The following ZCCHC10 variants were observed in gnomAD, a reference collection of about 807,000 sequenced individuals.
ZCCHC10 encodes zinc finger CCHC domain-containing protein 10.
Under a neutral mutation model 19.5 loss-of-function variants are expected in ZCCHC10, and 16 were observed. That is an observed-to-expected ratio of 0.82 (90% CI 0.56 to 1.25). The LOEUF (loss-of-function observed/expected upper bound fraction) is 1.25. ZCCHC10 is among the 50% of genes most tolerant of loss of function. The pLI, the probability that ZCCHC10 is intolerant of heterozygous loss-of-function variation, is 0.00. For missense variants in ZCCHC10, 197 were observed against 201.0 expected, an observed-to-expected ratio of 0.98 and a Z score of 0.12; for synonymous variants, 67 against 72.5, an observed-to-expected ratio of 0.92 and a Z score of 0.38.
At position 132,998,248 on chromosome 5, in the gene ZCCHC10, T is replaced by G. The variant is rs1007155623; in HGVS notation, c.*335A>C. 1 of 208,840 alleles carries G rather than the reference T, an allele frequency of 4.8e-6. No individual in the cohort carries two copies. The highest frequency in any genetic ancestry group is 9.8e-6 in the Non-Finnish European group (1 of 101,824). The allele number at this position is 208,840 out of a possible 1,614,324, so 12.9% of individuals were successfully genotyped here. On this transcript the variant is annotated 3_prime_UTR_variant, in exon 5 of 5. Coordinates refer to ENST00000509437, the MANE Select transcript of ZCCHC10 (RefSeq NM_001300816.3). The stretch of plus-strand genomic sequence containing the variant: ...TGACGCACCATCCTGAAAATATGTC[T>G]GATACATACCACTAACATATATAAC...
At chr5:133,023,432 T>C (rs905298484) in intron 1 of ZCCHC10, among the ~76,000 whole-genome samples, 1 of 151,782 alleles carries the variant, frequency 6.6e-6, no homozygotes, top group East Asian at 1.9e-4. Flanking sequence ...TAGACTTTTT[T>C]CCCCGTCTTC....
In ZCCHC10 at chr5:133,000,176, G is replaced by C. The variant is rs370510509; in HGVS notation, c.270-3C>G. 5 of 1,613,420 alleles carry C rather than the reference G, an allele frequency of 3.1e-6. No individual in the cohort carries two copies. The highest frequency in any genetic ancestry group is 4.2e-6 in the Non-Finnish European group (5 of 1,179,796). ...TTTCTACATTGGTTTCTCCAATGCTGATAAACACGAGGGGGAAAAAAGCTC... is the reference window on the plus strand; with the variant it reads ...TTTCTACATTGGTTTCTCCAATGCTCATAAACACGAGGGGGAAAAAAGCTC... On this transcript the variant is annotated splice_region_variant and splice_polypyrimidine_tract_variant and intron_variant, in intron 3 of 4. Transcript: ENST00000509437.
rs373349005 is a variant in ZCCHC10, at chr5:132,998,819, T to A, written c.343A>T (p.Ser115Cys). 8 of 1,614,108 alleles carry A rather than the reference T, an allele frequency of 5.0e-6. No individual in the cohort carries two copies. The highest frequency in any genetic ancestry group is 6.8e-6 in the Non-Finnish European group (8 of 1,180,032). Residue 115 changes from serine to cysteine, a missense_variant, in exon 5 of 5, where the codon AGC (serine) becomes TGC (cysteine). Transcript: ENST00000509437. ...GAATCACTGGCAGAACTGTCACTGCTACTGCTACTGGAACTGGTTACACTC... is the reference window on the plus strand; with the variant it reads ...GAATCACTGGCAGAACTGTCACTGCAACTGCTACTGGAACTGGTTACACTC... ...SKSVTSSSSS[S>C]SDSSASDSSS...
rs1376318320 is a variant in ZCCHC10, at chr5:133,005,593, G to A, written c.269+1166C>T. Among the ~76,000 whole-genome samples, 6 of 152,226 alleles carry A rather than the reference G, an allele frequency of 3.9e-5. No homozygotes were observed. The South Asian group carries it at 1.2e-3, about 32-fold the overall frequency. On this transcript the variant is annotated intron_variant, in intron 3 of 4. Transcript: ENST00000509437. ...TGCACTCCAGATTGGATGACACAGTGAGACTCTGTCTCAAAACAAACAAAC... is the reference window on the plus strand; with the variant it reads ...TGCACTCCAGATTGGATGACACAGTAAGACTCTGTCTCAAAACAAACAAAC...
chr5:133,012,324 C>T (rs781684651), intron 2 of ZCCHC10, among the ~76,000 whole-genome samples: 5 of 148,312 alleles, frequency 3.4e-5, no homozygotes, highest in Admixed American at 6.8e-5. Context: ...AAAAATTAGC[C>T]GGGTGTGGTG....
rs774572954 is a variant in ZCCHC10, at chr5:133,026,497, G to A, written c.41C>T (p.Ala14Val). ...GGACCCGAACCGGATCCTTACTTAC[G>A]CTTGTCTCCGGGCTATTAGCCGATG... ...PMHRLIARRQAFDTELQPVKT... is the reference protein window; with the variant it reads ...PMHRLIARRQVFDTELQPVKT... Residue 14 changes from alanine (A) to valine (V), a missense_variant and splice_region_variant, in exon 1 of 5, where the codon GCA becomes GTA. By Grantham distance (64) the Ala-to-Val change is moderately conservative. Transcript: ENST00000509437. The A allele has an allele frequency of 6.2e-7, 1 of 1,613,552 alleles. No homozygotes were observed. The highest frequency in any genetic ancestry group is 1.3e-5 in the African/African-American group (1 of 74,886).
chr5:133,008,323 A>AG (rs373380690), intron 2 of ZCCHC10, among the ~76,000 whole-genome samples: 3,016 of 148,474 alleles, frequency 0.02, 111 homozygotes, highest in African/African-American at 0.071. Context: ...GTGGATCAGG[A>AG]GGTCAGGAGT....
chr5:133,021,811 T>TG (rs397883882), intron 2 of ZCCHC10, among the ~76,000 whole-genome samples: 1 of 151,934 alleles, frequency 6.6e-6, no homozygotes, highest in African/African-American at 2.4e-5. Context: ...TTTTTTTTTT[T>TG]GAAACAGAGT....
At chr5:133,000,457 T>C (rs892342307) in intron 3 of ZCCHC10, among the ~76,000 whole-genome samples, 1 of 152,168 alleles carries the variant, frequency 6.6e-6, no homozygotes, top group Non-Finnish European at 1.5e-5. Context: ...TAAATTTTTT[T>C]AGTCTGGAAC....
Position 133,006,639 on chromosome 5 carries a change from A to C in ZCCHC10, c.269+120T>G, listed in dbSNP as rs527873438. 15 of 1,007,246 alleles carry C rather than the reference A, an allele frequency of 1.5e-5. No individual in the cohort carries two copies. In the East Asian group the frequency reaches 3.0e-4, roughly 20 times the overall value. 62.4% of individuals were successfully genotyped at this position (1,007,246 alleles called of 1,614,324 possible). ...AGTACTTGGCACACAGTAAGCATCT[A>C]TTAAACATTAGTAACATTATAATTA... On this transcript the variant is annotated intron_variant, in intron 3 of 4. Transcript: ENST00000509437.
At chr5:133,004,492 T>C (rs973973142) in intron 3 of ZCCHC10, among the ~76,000 whole-genome samples, 1 of 151,322 alleles carries the variant, frequency 6.6e-6, no homozygotes, top group African/African-American at 2.4e-5. Context: ...ATTTTATTTT[T>C]ATTTTTATTT....
intron 2 of ZCCHC10, chr5:133,011,453 T>C (rs538356657): frequency 6.0e-5 from 9 of 149,076 alleles, no homozygotes; most frequent in African/African-American, 1.7e-4. Context: ...TGAAACCCCA[T>C]CTCTAATAAA....
intron 2 of ZCCHC10, among the ~76,000 whole-genome samples, chr5:133,016,736 C>A (rs1416082449): frequency 3.3e-5 from 5 of 152,172 alleles, no homozygotes; most frequent in Admixed American, 3.3e-4. Flanking sequence ...ACCCACCGCG[C>A]ACAGCTATTT....
At chr5:133,015,757 C>T (rs1310519036) in intron 2 of ZCCHC10, among the ~76,000 whole-genome samples, 1 of 74,332 alleles carries the variant, frequency 1.3e-5, no homozygotes, top group Non-Finnish European at 2.6e-5. Context: ...GCCTAGGTCA[C>T]TCCTCAATTC....
chr5:133,019,418 T>C (rs888911216), intron 2 of ZCCHC10, among the ~76,000 whole-genome samples: 1 of 152,192 alleles, frequency 6.6e-6, no homozygotes, highest in East Asian at 1.9e-4. Context: ...ATATTTCATT[T>C]CTATTTGCTA....
At chr5:133,021,179 G>A (rs1764285723) in intron 2 of ZCCHC10, among the ~76,000 whole-genome samples, 1 of 152,066 alleles carries the variant, frequency 6.6e-6, no homozygotes, top group African/African-American at 2.4e-5. Flanking sequence ...ACAGGCGTGA[G>A]CCACCGCGCA....
chr5:133,021,305 A>G (rs558118219), intron 2 of ZCCHC10, among the ~76,000 whole-genome samples: 3 of 152,222 alleles, frequency 2.0e-5, no homozygotes, highest in Non-Finnish European at 4.4e-5. Flanking sequence ...CTGGGATTAC[A>G]GGCGTGAGCT....
At chr5:133,011,797 A>G (rs995857204) in intron 2 of ZCCHC10, among the ~76,000 whole-genome samples, 2 of 151,978 alleles carry the variant, frequency 1.3e-5, no homozygotes, top group Non-Finnish European at 2.9e-5. Context: ...AAAAATCCCA[A>G]AAGTTTTTTT....
chr5:133,025,756 G>C (rs1401988171), intron 1 of ZCCHC10, among the ~76,000 whole-genome samples: 1 of 152,052 alleles, frequency 6.6e-6, no homozygotes, highest in African/African-American at 2.4e-5. Context: ...CCTCTTCAGA[G>C]ATGCCTTTCC....
Sources: allele counts gnomAD v4.1 joint callset (sites outside exome capture counted in the v4.1 genomes callset), GRCh38; gene constraint gnomAD v4.1.1; transcripts MANE v1.5; gene names NCBI Gene and HGNC (gene_info 2026-07-23, HGNC 2026-07-21).